Variants in RALGAPA2 observed in about 807,000 individuals in gnomAD.
The protein encoded by RALGAPA2 is ral GTPase-activating protein subunit alpha-2.
In RALGAPA2, 139 loss-of-function variants were observed where a neutral mutation model predicts 230.4. The observed-to-expected ratio is 0.60, with a 90% CI of 0.53 to 0.69. RALGAPA2 has a LOEUF of 0.69. Ranked by LOEUF, RALGAPA2 falls within the 30% of genes least tolerant of loss-of-function variation. The pLI, the probability that RALGAPA2 is intolerant of heterozygous loss-of-function variation, is 0.00. For synonymous variants in RALGAPA2, 847 were observed against 837.8 expected, an observed-to-expected ratio of 1.01 and a Z score of -0.19; for missense variants, 2,163 against 2,276.0, an observed-to-expected ratio of 0.95 and a Z score of 1.01.
intron 9 of RALGAPA2, among the ~76,000 whole-genome samples, chr20:20,632,196 T>C (rs1477990213): frequency 6.6e-6 from 1 of 152,008 alleles, no homozygotes; most frequent in Non-Finnish European, 1.5e-5. Context: ...AGCTAATTTT[T>C]TTGTATTTTT....
intron 16 of RALGAPA2, among the ~76,000 whole-genome samples, chr20:20,601,210 A>G (rs553395322): frequency 2.6e-4 from 40 of 152,364 alleles, no homozygotes; most frequent in African/African-American, 9.1e-4. Flanking sequence ...TAACTGAAAT[A>G]CGCTGCAAAG....
chr20:20,702,128 G>C (rs2069404350), intron 1 of RALGAPA2, among the ~76,000 whole-genome samples: 1 of 152,104 alleles, frequency 6.6e-6, no homozygotes, highest in African/African-American at 2.4e-5. Flanking sequence ...AAGCTACAAA[G>C]TGCTGTGGGA....
intron 1 of RALGAPA2, among the ~76,000 whole-genome samples, chr20:20,705,389 G>C (rs1309792390): frequency 6.6e-6 from 1 of 151,202 alleles, no homozygotes; most frequent in Non-Finnish European, 1.5e-5. Context: ...CATTTTTTTT[G>C]TAGAGAAGGG....
intron 23 of RALGAPA2, among the ~76,000 whole-genome samples, chr20:20,570,076 G>C (rs1168735070): frequency 6.6e-6 from 1 of 152,048 alleles, no homozygotes; most frequent in Non-Finnish European, 1.5e-5. Flanking sequence ...TAAAATATTT[G>C]AGCAGGGAGT....
chr20:20,412,171 C>T, intron 37 of RALGAPA2, 23 bp from the exon 38 acceptor site: 1 of 1,612,936 alleles, frequency 6.2e-7, no homozygotes, highest in Non-Finnish European at 8.5e-7. Context: ...GTTAAGGAAA[C>T]AAGTGCACGT....
At chr20:20,415,322 C>G (rs1034919928) in intron 37 of RALGAPA2, among the ~76,000 whole-genome samples, 1 of 152,226 alleles carries the variant, frequency 6.6e-6, no homozygotes, top group Non-Finnish European at 1.5e-5. Flanking sequence ...CTGAAAGAGG[C>G]ACCAGGTCAC....
At chr20:20,576,877 TTGTC>T (rs2064835923) in intron 20 of RALGAPA2, among the ~76,000 whole-genome samples, 1 of 152,190 alleles carries the variant, frequency 6.6e-6, no homozygotes, top group Non-Finnish European at 1.5e-5. Flanking sequence ...TCTTGCCTGT[TTGTC>T]TATTTTTATT....
At chr20:20,469,093 G>A (rs1016660185) in intron 37 of RALGAPA2, among the ~76,000 whole-genome samples, 3 of 152,126 alleles carry the variant, frequency 2.0e-5, no homozygotes, top group African/African-American at 7.2e-5. Flanking sequence ...CCCCTCATTT[G>A]GAGTATCTTC....
chr20:20,628,662 T>C (rs1376933897), intron 10 of RALGAPA2, among the ~76,000 whole-genome samples: 8 of 152,168 alleles, frequency 5.3e-5, no homozygotes. Flanking sequence ...AAGATGCCAG[T>C]AGCACCCCCT....
At chr20:20,551,910 C>T (rs1043406987) in intron 23 of RALGAPA2, among the ~76,000 whole-genome samples, 1 of 152,008 alleles carries the variant, frequency 6.6e-6, no homozygotes, top group Non-Finnish European at 1.5e-5. Context: ...GAAGCATTTC[C>T]ATTGTTTACA....
At chr20:20,467,750 T>C (rs1212578468) in intron 37 of RALGAPA2, among the ~76,000 whole-genome samples, 5 of 152,206 alleles carry the variant, frequency 3.3e-5, no homozygotes, top group African/African-American at 9.7e-5. Flanking sequence ...TCTTTGAATC[T>C]TGATGTGAGT....
chr20:20,680,011 T>C (rs371761889), intron 2 of RALGAPA2, among the ~76,000 whole-genome samples: 15 of 152,334 alleles, frequency 9.8e-5, no homozygotes, highest in African/African-American at 3.1e-4. Context: ...ATGGACTATG[T>C]GTCAAACTCT....
At position 20,528,754 on chromosome 20, in the gene RALGAPA2, C is replaced by G. The variant is rs529725324; in HGVS notation, c.3583-2392G>C. Reference sequence around the variant, plus strand: ...GTGCACCTAGGTCACCCTTGCAGGGCATTTCTGAAGGGTTCTTACAAGAGG... The same window carrying G: ...GTGCACCTAGGTCACCCTTGCAGGGGATTTCTGAAGGGTTCTTACAAGAGG... On this transcript the variant is annotated intron_variant, in intron 27 of 39. Transcript: ENST00000202677. Among the ~76,000 whole-genome samples the G allele has an allele frequency of 3.2e-3, 487 of 152,252 alleles. 1 individual carries two copies. The highest frequency in any genetic ancestry group is 0.014 in the Middle Eastern group (4 of 294).
chr20:20,410,402 G>A (rs2060035980), intron 38 of RALGAPA2, among the ~76,000 whole-genome samples: 1 of 152,098 alleles, frequency 6.6e-6, no homozygotes, highest in Non-Finnish European at 1.5e-5. Context: ...TTAATTTTAA[G>A]AAGTAAAAAG....
intron 24 of RALGAPA2, among the ~76,000 whole-genome samples, chr20:20,539,972 G>A (rs2063600408): frequency 6.6e-6 from 1 of 152,200 alleles, no homozygotes; most frequent in Non-Finnish European, 1.5e-5. Context: ...ACACTCCACT[G>A]GAGATATGTA....
intron 10 of RALGAPA2, among the ~76,000 whole-genome samples, chr20:20,628,508 G>C (rs898499830): frequency 2.0e-4 from 31 of 151,798 alleles, no homozygotes; most frequent in Non-Finnish European, 8.8e-5. Flanking sequence ...TGGGAGCTCT[G>C]TTTGCTGTGT....
chr20:20,435,000 T>G (rs1172282068), intron 37 of RALGAPA2, among the ~76,000 whole-genome samples: 1 of 152,252 alleles, frequency 6.6e-6, no homozygotes, highest in African/African-American at 2.4e-5. Context: ...CTACAAGTTA[T>G]TCTCCTGTGT....
intron 37 of RALGAPA2, among the ~76,000 whole-genome samples, chr20:20,460,250 C>T (rs2061270670): frequency 6.6e-6 from 1 of 152,224 alleles, no homozygotes; most frequent in African/African-American, 2.4e-5. Flanking sequence ...TTTATATATA[C>T]TTCATTCCAT....
chr20:20,475,761 AAAG>A (rs531810015), intron 36 of RALGAPA2, among the ~76,000 whole-genome samples: 177 of 152,298 alleles, frequency 1.2e-3, no homozygotes, highest in Non-Finnish European at 2.3e-3. Context: ...TAAGAGAAAG[AAAG>A]AAGAAGGGTA....
Sources: gnomAD v4.1 joint callset for allele counts (sites outside exome capture counted in the v4.1 genomes callset) on GRCh38, gnomAD v4.1.1 for gene constraint, MANE v1.5 for transcripts, NCBI Gene and HGNC (gene_info 2026-07-23, HGNC 2026-07-21) for gene names.